SLC36A1: variants seen among roughly 807,000 people sequenced by gnomAD.
SLC36A1 encodes the protein solute carrier family 36 member 1.
Under a neutral mutation model 47.5 loss-of-function variants are expected in SLC36A1, and 30 were observed. The ratio of observed to expected loss-of-function variants is 0.63; its 90% CI spans 0.47 to 0.86. The LOEUF is 0.86. Ranked by LOEUF, SLC36A1 falls within the 40% of genes least tolerant of loss-of-function variation. The probability of loss-of-function intolerance (pLI) is 0.00; values close to 1 mark genes in which losing one functional copy is unlikely to be tolerated. For missense variants in SLC36A1, 517 were observed against 606.0 expected, an observed-to-expected ratio of 0.85 and a Z score of 1.54; for synonymous variants, 255 against 249.7, an observed-to-expected ratio of 1.02 and a Z score of -0.20.
chr5:151,538,476 G>A, the SLC36A1 span, among the ~76,000 whole-genome samples: 713 of 152,244 alleles, frequency 4.7e-3, 5 homozygotes, highest in African/African-American at 0.016. Flanking sequence ...TGGCCCCATC[G>A]CTTGGCCCAC....
chr5:151,503,425 A>G, the SLC36A1 span, among the ~76,000 whole-genome samples: 5 of 148,552 alleles, frequency 3.4e-5, 1 homozygote, highest in South Asian at 6.2e-4. Context: ...ATATCTGCTC[A>G]AGGCCACATA....
chr5:151,480,516 C>T (rs1030243360), intron 10 of SLC36A1, among the ~76,000 whole-genome samples: 1 of 152,192 alleles, frequency 6.6e-6, no homozygotes. Flanking sequence ...CTCTCCTAGA[C>T]CAGCCTATAT....
At chr5:151,423,028 A>AAAAATGCT in the SLC36A1 span, among the ~76,000 whole-genome samples, 1 of 152,228 alleles carries the variant, frequency 6.6e-6, no homozygotes, top group East Asian at 1.9e-4. Context: ...AAGCATATGA[A>AAAAATGCT]AAGATGCTCC....
At chr5:151,423,490 A>G in the SLC36A1 span, among the ~76,000 whole-genome samples, 1 of 152,250 alleles carries the variant, frequency 6.6e-6, no homozygotes, top group Non-Finnish European at 1.5e-5. Context: ...ATAAAAAGAC[A>G]TGGAGGAGCC....
At chr5:151,476,083 C>T (rs1431568389) in intron 8 of SLC36A1, among the ~76,000 whole-genome samples, 5 of 152,266 alleles carry the variant, frequency 3.3e-5, no homozygotes, top group Admixed American at 1.3e-4. Flanking sequence ...TGCTTTCTTT[C>T]GCACTGCAGT....
the SLC36A1 span, among the ~76,000 whole-genome samples, chr5:151,546,627 A>G: frequency 3.3e-5 from 5 of 152,330 alleles, no homozygotes; most frequent in Admixed American, 6.5e-5. Context: ...AGGAGACTCC[A>G]TAGGAAAACA....
At chr5:151,383,531 T>TC in the SLC36A1 span, among the ~76,000 whole-genome samples, 9 of 150,960 alleles carry the variant, frequency 6.0e-5, no homozygotes, top group Non-Finnish European at 1.3e-4. Context: ...CAGCTGCACT[T>TC]TTTTTTCTGC....
the SLC36A1 span, chr5:151,525,978 G>A: frequency 4.3e-6 from 7 of 1,613,258 alleles, no homozygotes; most frequent in South Asian, 1.1e-5. Context: ...GAGACCGAGA[G>A]TGACAAAGAA....
chr5:151,438,686 T>C (rs1054064393), intron 1 of SLC36A1, among the ~76,000 whole-genome samples: 1 of 152,206 alleles, frequency 6.6e-6, no homozygotes, highest in African/African-American at 2.4e-5. Flanking sequence ...TTCTCTGGCA[T>C]CCTTTGACAT....
the SLC36A1 span, among the ~76,000 whole-genome samples, chr5:151,354,741 A>G: frequency 3.9e-5 from 6 of 152,092 alleles, no homozygotes; most frequent in Non-Finnish European, 8.8e-5. Flanking sequence ...TCTTGGCACT[A>G]ACTCCTGTTG....
At chr5:151,546,215 G>T in the SLC36A1 span, 2 of 1,614,138 alleles carry the variant, frequency 1.2e-6, no homozygotes, top group East Asian at 4.5e-5. Context: ...TGCCATTGTG[G>T]GGAGCCTTGA....
At position 151,454,873 on chromosome 5, in the gene SLC36A1, C is replaced by T. The variant is rs547809932; in HGVS notation, c.-5-3915C>T. Among the ~76,000 whole-genome samples, 14 of 152,100 alleles carry T rather than the reference C, an allele frequency of 9.2e-5. No individual in the cohort carries two copies. In the East Asian group the frequency reaches 2.1e-3, roughly 23 times the overall value. Reference sequence around the variant, plus strand: ...GACTACAGGCGCCCGCTACCACGCCCGGCTAATTTTTTGTATTTTTAGTAG... The same window carrying T: ...GACTACAGGCGCCCGCTACCACGCCTGGCTAATTTTTTGTATTTTTAGTAG... On this transcript the variant is annotated intron_variant, in intron 1 of 10. Coordinates refer to ENST00000243389, the MANE Select transcript of SLC36A1 (RefSeq NM_078483.4).
chr5:151,474,178 A>AAAAAAAGAG (rs776318482), intron 8 of SLC36A1, among the ~76,000 whole-genome samples: 12 of 119,000 alleles, frequency 1.0e-4, no homozygotes, highest in Non-Finnish European at 9.6e-5. Context: ...AAAAAAAAAA[A>AAAAAAAGAG]AGAAATTATC....
At chr5:151,411,836 A>G in the SLC36A1 span, among the ~76,000 whole-genome samples, 27 of 144,624 alleles carry the variant, frequency 1.9e-4, 3 homozygotes, top group Non-Finnish European at 2.7e-4. Context: ...AACCTCCTTC[A>G]TAGCATTAAT....
the SLC36A1 span, among the ~76,000 whole-genome samples, chr5:151,348,044 C>T: frequency 6.6e-6 from 1 of 152,200 alleles, no homozygotes; most frequent in Non-Finnish European, 1.5e-5. Flanking sequence ...CCATGTCTCA[C>T]TGGCTCCACA....
the SLC36A1 span, among the ~76,000 whole-genome samples, chr5:151,518,365 A>ATTATTATTATTATTATT: frequency 1.1e-3 from 77 of 69,152 alleles, no homozygotes; most frequent in South Asian, 3.6e-3. Flanking sequence ...TAATAATAAT[A>ATTATTATTATTATTATT]ATAATAATAA....
chr5:151,350,710 T>C, the SLC36A1 span, among the ~76,000 whole-genome samples: 6 of 152,098 alleles, frequency 3.9e-5, no homozygotes, highest in African/African-American at 1.4e-4. Context: ...GGGTTTTTTG[T>C]GGCTTTTTTG....
At chr5:151,468,116 T>A (rs1016395625) in intron 7 of SLC36A1, among the ~76,000 whole-genome samples, 191 bp downstream of exon 7, 7 of 149,718 alleles carry the variant, frequency 4.7e-5, no homozygotes, top group Non-Finnish European at 1.0e-4. Flanking sequence ...AAATTAGGCA[T>A]GGGGGTGTGG....
At chr5:151,436,253 A>G (rs532458079), upstream of SLC36A1, among the ~76,000 whole-genome samples, 1 of 152,254 alleles carries the variant, frequency 6.6e-6, no homozygotes, top group Non-Finnish European at 1.5e-5. Context: ...CACCTCCCTC[A>G]CATACCCAAT....
Sources: gnomAD v4.1 joint callset for allele counts (sites outside exome capture counted in the v4.1 genomes callset) on GRCh38, gnomAD v4.1.1 for gene constraint, MANE v1.5 for transcripts, NCBI Gene and HGNC (gene_info 2026-07-23, HGNC 2026-07-21) for gene names.